The following ZSCAN2 variants were observed in gnomAD, a reference collection of about 807,000 sequenced individuals.
ZSCAN2 encodes the protein zinc finger and SCAN domain-containing protein 2.
In ZSCAN2, 26 loss-of-function variants were observed where a neutral mutation model predicts 47.8. That is an observed-to-expected ratio of 0.54 (90% CI 0.40 to 0.75). The LOEUF is 0.75. Among genes scored for constraint, ZSCAN2 ranks in the 30% least tolerant of loss-of-function variants. ZSCAN2 has a pLI of 0.00. For missense variants in ZSCAN2, 732 were observed against 785.4 expected (o/e 0.93, Z 0.81); for synonymous variants, 305 against 288.7 (o/e 1.06, Z -0.57).
intron 2 of ZSCAN2, among the ~76,000 whole-genome samples, chr15:84,613,197 C>G (rs1333365126): frequency 6.6e-6 from 1 of 152,148 alleles, no homozygotes; most frequent in African/African-American, 2.4e-5. Flanking sequence ...CTTGGCCTGT[C>G]TATTTCTGTT....
intron 2 of ZSCAN2, among the ~76,000 whole-genome samples, chr15:84,608,526 G>T (rs1895449015): frequency 8.9e-6 from 1 of 112,282 alleles, no homozygotes; most frequent in African/African-American, 3.4e-5. Context: ...GCAAGACTCT[G>T]TCTCAAAAAA....
chr15:84,602,440 G>A (rs192945779), intron 1 of ZSCAN2, among the ~76,000 whole-genome samples: 1 of 152,054 alleles, frequency 6.6e-6, no homozygotes, highest in African/African-American at 2.4e-5. Context: ...AATTTCATAT[G>A]TTTGCTCTTG....
chr15:84,623,246 C>G lies in ZSCAN2; in HGVS notation c.*1206C>G, dbSNP rs1314492508. The G allele has an allele frequency of 1.8e-5, 3 of 164,286 alleles. No homozygotes were observed. Among genetic ancestry groups the G allele is most frequent in the Non-Finnish European group, 4.0e-5 (3 of 74,168 alleles). 10.2% of individuals were successfully genotyped at this position (164,286 alleles called of 1,614,324 possible). A position where few individuals can be genotyped will look rare whatever the true frequency, so the allele number is the denominator to read the frequency against. On this transcript the variant is annotated 3_prime_UTR_variant, in exon 3 of 3. Transcript: ENST00000546148. ...GGGACTACAGGTGCCCACCACCACA[C>G]CCAGCTAATTTCTTTTTTTGTATTT...
chr15:84,615,831 C>T (rs925370609), intron 2 of ZSCAN2, among the ~76,000 whole-genome samples: 1 of 152,064 alleles, frequency 6.6e-6, no homozygotes, highest in Non-Finnish European at 1.5e-5. Context: ...TACATTTAAT[C>T]TCTTCCTGTT....
chr15:84,613,034 T>G (rs1895596763), intron 2 of ZSCAN2, among the ~76,000 whole-genome samples: 1 of 152,228 alleles, frequency 6.6e-6, no homozygotes, highest in South Asian at 2.1e-4. Flanking sequence ...CAGCTTGAAT[T>G]TTTCCATTTG....
chr15:84,619,342 A>G (rs1207570481), intron 2 of ZSCAN2, among the ~76,000 whole-genome samples: 2 of 151,960 alleles, frequency 1.3e-5, no homozygotes, highest in African/African-American at 4.8e-5. Context: ...AGGCAAGAGA[A>G]TGGCGTGAAC....
In ZSCAN2 at chr15:84,604,125, G is replaced by A. The variant is rs201278787; in HGVS notation, c.198G>A (p.Gln66=). 7.5e-5 allele frequency: 121 copies of A among 1,613,852 alleles called. No individual in the cohort carries two copies. The highest frequency in any genetic ancestry group is 1.0e-4 in the Non-Finnish European group (120 of 1,179,952). ...AGAGTGCTGGCAAGGGCGGCCCCCA[G>A]GAGGAGGTGACCAGGGGACCACAGG... ...FPQSAGKGGP[Q]EEVTRGPQGA... The change falls in exon 2 of 3, where the codon CAG becomes CAA. Residue 66 remains glutamine (Q), a synonymous_variant. Transcript: ENST00000546148.
Position 84,623,294 on chromosome 15 carries a change from G to A in ZSCAN2, c.*1254G>A, listed in dbSNP as rs551001824. The A allele has an allele frequency of 6.6e-5, 12 of 180,866 alleles. No individual in the cohort carries two copies. In the East Asian group the frequency reaches 1.5e-3, roughly 23 times the overall value. 11.2% of individuals were successfully genotyped at this position (180,866 alleles called of 1,614,324 possible). ...TTTTTAGTAGAGACGGGGTTTCACC[G>A]CGTTAGCCAGGATGGTTTCGATCTC... On this transcript the variant is annotated 3_prime_UTR_variant, in exon 3 of 3. Transcript: ENST00000546148.
chr15:84,602,544 A>G (rs1302426196), intron 1 of ZSCAN2, among the ~76,000 whole-genome samples: 4 of 148,536 alleles, frequency 2.7e-5, no homozygotes, highest in African/African-American at 1.0e-4. Context: ...AAAGGTAGCC[A>G]TTATTATAGC....
At chr15:84,602,207 T>G (rs928332883) in intron 1 of ZSCAN2, 3 of 152,138 alleles carry the variant, frequency 2.0e-5, no homozygotes, top group Non-Finnish European at 4.4e-5. Flanking sequence ...CGCCTCAACC[T>G]GCCAAAGTGC....
At position 84,604,470 on chromosome 15, in the gene ZSCAN2, A is replaced by G. The variant is rs183048334; in HGVS notation, c.406+137A>G. On this transcript the variant is annotated intron_variant, in intron 2 of 2. Transcript: ENST00000546148. ...CCATCCCTCTGCTCTGTCTGCAGGC[A>G]GTCAGCGTGTTCATCAGCCTTTTAG... The G allele has an allele frequency of 7.0e-6, 8 of 1,147,210 alleles. No homozygotes were observed. The East Asian group carries it at 1.8e-4, about 25-fold the overall frequency. 71.1% of individuals were successfully genotyped at this position (1,147,210 alleles called of 1,614,324 possible). A position where few individuals can be genotyped will look rare whatever the true frequency, so the allele number is the denominator to read the frequency against.
intron 2 of ZSCAN2, among the ~76,000 whole-genome samples, chr15:84,620,108 C>T (rs1003177504): frequency 6.6e-6 from 1 of 152,042 alleles, no homozygotes; most frequent in Non-Finnish European, 1.5e-5. Context: ...CCCCCTCCCC[C>T]ACAGGCCCCA....
chr15:84,614,393 T>G (rs1314650459), intron 2 of ZSCAN2: 1 of 152,214 alleles, frequency 6.6e-6, no homozygotes, highest in African/African-American at 2.4e-5. Flanking sequence ...TCAACGAACA[T>G]ATCCTATAAA....
chr15:84,611,337 TC>T (rs1895542664), intron 2 of ZSCAN2, among the ~76,000 whole-genome samples: 1 of 151,938 alleles, frequency 6.6e-6, no homozygotes, highest in African/African-American at 2.4e-5. Flanking sequence ...ACACCTATAG[TC>T]CCAACTACTT....
At chr15:84,616,316 T>A in intron 2 of ZSCAN2, 1 of 1,456,528 alleles carries the variant, frequency 6.9e-7, no homozygotes, top group Non-Finnish European at 9.6e-7. Flanking sequence ...CAGAAACAGC[T>A]TCCTGCGTAC....
chr15:84,609,042 C>T (rs1407017765), intron 2 of ZSCAN2, among the ~76,000 whole-genome samples: 1 of 152,224 alleles, frequency 6.6e-6, no homozygotes, highest in Non-Finnish European at 1.5e-5. Flanking sequence ...CAGCTGACCT[C>T]TCCAGCCATC....
chr15:84,601,739 TCTCA>T (rs1895208528), intron 1 of ZSCAN2, among the ~76,000 whole-genome samples: 1 of 152,070 alleles, frequency 6.6e-6, no homozygotes, highest in Non-Finnish European at 1.5e-5. Context: ...AGAGACTGGG[TCTCA>T]CTCTGTTGCC....
rs975123643 is a variant in ZSCAN2 at position 84,623,479 on chromosome 15, A to G, written c.*1439A>G. ...GGCTTGAATCAGGAGTTTGTCCTAC[A>G]GGTGTCGCCCTTGATCTCAGGATGC... On this transcript the variant is annotated 3_prime_UTR_variant, in exon 3 of 3. Coordinates refer to ENST00000546148, the MANE Select transcript of ZSCAN2 (RefSeq NM_181877.4). 1 of 168,168 alleles carries G rather than the reference A, an allele frequency of 5.9e-6. No homozygotes were observed. Among genetic ancestry groups the G allele is most frequent in the African/African-American group, 2.4e-5 (1 of 41,460 alleles). 10.4% of individuals were successfully genotyped at this position (168,168 alleles called of 1,614,324 possible).
Position 84,620,924 on chromosome 15 carries a change from C to A in ZSCAN2, c.729C>A (p.Thr243=), listed in dbSNP as rs372820243. 6.2e-7 allele frequency: 1 copy of A among 1,614,106 alleles called. No individual in the cohort carries two copies. The highest frequency in any genetic ancestry group is 1.1e-5 in the South Asian group (1 of 91,066). Residue 243 remains threonine (T), a synonymous_variant, in exon 3 of 3, where the codon ACC becomes ACA. Transcript: ENST00000546148. ...RKSHLITHER[T]HTGEKYYKCD... is the part of the protein sequence containing the mutation. ...CCCACCTCATCACACACGAGAGGACCCACACAGGAGAGAAATACTACAAAT... is the reference window on the plus strand; with the variant it reads ...CCCACCTCATCACACACGAGAGGACACACACAGGAGAGAAATACTACAAAT...
Sources: gnomAD v4.1 joint callset for allele counts (sites outside exome capture counted in the v4.1 genomes callset) on GRCh38, gnomAD v4.1.1 for gene constraint, MANE v1.5 for transcripts, NCBI Gene and HGNC (gene_info 2026-07-23, HGNC 2026-07-21) for gene names.